NALF1: variants seen among roughly 807,000 people sequenced by gnomAD.
NALF1 encodes family with sequence similarity 155 member A.
NALF1 carries 3 observed loss-of-function variants against 48.4 expected under a neutral mutation model. That is an observed-to-expected ratio of 0.06 (90% confidence interval 0.03 to 0.16). The LOEUF is 0.16. Ranked by LOEUF, NALF1 falls within the 10% of genes least tolerant of loss-of-function variation. The probability of loss-of-function intolerance (pLI) is 1.00; values close to 1 mark genes in which losing one functional copy is unlikely to be tolerated. For missense variants in NALF1, 526 were observed against 571.5 expected, an observed-to-expected ratio of 0.92 and a Z score of 0.81; for synonymous variants, 262 against 245.7, an observed-to-expected ratio of 1.07 and a Z score of -0.62.
chr13:107,476,183 C>T (rs1382206005), intron 1 of NALF1, among the ~76,000 whole-genome samples: 1 of 152,144 alleles, frequency 6.6e-6, no homozygotes, highest in Non-Finnish European at 1.5e-5. Context: ...GAGTGTCCTG[C>T]CATTGCAGGC....
chr13:107,271,774 C>CTG (rs1555329775), intron 1 of NALF1, among the ~76,000 whole-genome samples: 1 of 27,630 alleles, frequency 3.6e-5, no homozygotes, highest in Non-Finnish European at 8.6e-5. Flanking sequence ...TGCTACTGGA[C>CTG]TATATATATA....
rs1336940344 is a variant in NALF1, at chr13:107,865,153, C to A, written c.915+529G>T. The stretch of plus-strand genomic sequence containing the variant: ...CAGACTTTCTGAACAACCAGAACTA[C>A]CCCTGTAAAAACAGGTAATTCTTTT... On this transcript the variant is annotated intron_variant, in intron 1 of 2. Transcript: ENST00000375915. Among the ~76,000 whole-genome samples the A allele has an allele frequency of 1.3e-5, 2 of 152,172 alleles. 1 individual carries two copies. Among genetic ancestry groups the A allele is most frequent in the Non-Finnish European group, 2.9e-5 (2 of 68,046 alleles).
intron 1 of NALF1, among the ~76,000 whole-genome samples, chr13:107,707,118 T>G (rs3928890): frequency 0.23 from 34,894 of 150,684 alleles, 4,471 homozygotes; most frequent in Middle Eastern, 0.38. Flanking sequence ...GAGACGGGGT[T>G]TCACCGTTTT....
At chr13:107,500,346 C>T (rs1173866359) in intron 1 of NALF1, among the ~76,000 whole-genome samples, 1 of 152,092 alleles carries the variant, frequency 6.6e-6, no homozygotes, top group Non-Finnish European at 1.5e-5. Flanking sequence ...AGAGTTTGGT[C>T]TCTGCTTTTA....
chr13:107,296,447 G>A lies in NALF1; in HGVS notation c.916-85692C>T, dbSNP rs984424728. Among the ~76,000 whole-genome samples, 3 of 152,182 alleles carry A rather than the reference G, an allele frequency of 2.0e-5. 1 individual carries two copies. Among genetic ancestry groups the A allele is most frequent in the Non-Finnish European group, 4.4e-5 (3 of 68,038 alleles). ...TAAAATTAAAAAAATCTAGGAAGGT[G>A]TAATATGCTACCTGAAAGATGAGTG... is the stretch of plus-strand genomic sequence containing the variant. On this transcript the variant is annotated intron_variant, in intron 1 of 2. Coordinates refer to ENST00000375915, the MANE Select transcript of NALF1 (RefSeq NM_001080396.3).
At chr13:107,643,619 G>T (rs1880224343) in intron 1 of NALF1, among the ~76,000 whole-genome samples, 1 of 151,972 alleles carries the variant, frequency 6.6e-6, no homozygotes, top group Non-Finnish European at 1.5e-5. Flanking sequence ...AATAAAGGGG[G>T]AGGATTATTA....
intron 1 of NALF1, among the ~76,000 whole-genome samples, chr13:107,495,894 T>A (rs1400769528): frequency 6.6e-6 from 1 of 152,090 alleles, no homozygotes; most frequent in Non-Finnish European, 1.5e-5. Context: ...ATGCTGCTTC[T>A]CCAAAAGTGT....
intron 1 of NALF1, among the ~76,000 whole-genome samples, chr13:107,848,288 G>A (rs1478567505): frequency 1.3e-5 from 2 of 152,174 alleles, no homozygotes; most frequent in East Asian, 1.9e-4. Context: ...CATGATCAAA[G>A]AGGGGATGAT....
At chr13:107,595,799 T>G (rs974366500) in intron 1 of NALF1, among the ~76,000 whole-genome samples, 2 of 152,130 alleles carry the variant, frequency 1.3e-5, no homozygotes, top group Non-Finnish European at 2.9e-5. Flanking sequence ...TGCAGCCTAT[T>G]TTAACAGAAA....
At chr13:107,663,969 ACAT>A (rs1370567254) in intron 1 of NALF1, among the ~76,000 whole-genome samples, 4 of 152,108 alleles carry the variant, frequency 2.6e-5, no homozygotes. Context: ...ATAGCTTCAG[ACAT>A]CATCTGTGTG....
intron 1 of NALF1, among the ~76,000 whole-genome samples, chr13:107,369,264 T>G (rs1434609670): frequency 6.6e-6 from 1 of 152,176 alleles, no homozygotes; most frequent in Non-Finnish European, 1.5e-5. Context: ...ATATATGAAG[T>G]ATAATAGTTT....
intron 1 of NALF1, among the ~76,000 whole-genome samples, chr13:107,808,249 A>G (rs1878869233): frequency 6.6e-6 from 1 of 152,112 alleles, no homozygotes; most frequent in Non-Finnish European, 1.5e-5. Context: ...TATCAGGCAT[A>G]CATGAGTGAG....
At chr13:107,414,882 A>G (rs948712469) in intron 1 of NALF1, among the ~76,000 whole-genome samples, 2 of 152,052 alleles carry the variant, frequency 1.3e-5, no homozygotes, top group African/African-American at 4.8e-5. Context: ...TTCAGGCTAT[A>G]ATAAATATCT....
intron 1 of NALF1, among the ~76,000 whole-genome samples, chr13:107,679,388 A>C (rs1020491307): frequency 1.3e-5 from 2 of 152,188 alleles, no homozygotes; most frequent in Non-Finnish European, 2.9e-5. Context: ...AGCATATAAT[A>C]GTTGCTCAAT....
rs377751233 is a variant in NALF1, at chr13:107,208,368, C to T, written c.1087+2216G>A. 1.1e-4 allele frequency among the ~76,000 whole-genome samples: 17 copies of T among 152,192 alleles called. 1 individual carries two copies. The South Asian group carries it at 2.9e-3, about 26-fold the overall frequency. On this transcript the variant is annotated intron_variant, in intron 2 of 2. Coordinates refer to ENST00000375915, the MANE Select transcript of NALF1 (RefSeq NM_001080396.3). ...ATGAAGAAGCTGTTTTTACCAAACT[C>T]GAAAACAATTAAAACTGCAGACTGG...
At chr13:107,854,643 C>T (rs759010959) in intron 1 of NALF1, among the ~76,000 whole-genome samples, 80 of 151,956 alleles carry the variant, frequency 5.3e-4, no homozygotes, top group Non-Finnish European at 8.5e-4. Flanking sequence ...GAGGCCGAGG[C>T]GGGCAGATCA....
At chr13:107,299,076 G>A (rs1034080416) in intron 1 of NALF1, among the ~76,000 whole-genome samples, 3 of 151,968 alleles carry the variant, frequency 2.0e-5, no homozygotes, top group Admixed American at 6.6e-5. Context: ...TGACAGTTTT[G>A]ATGAGCACTG....
chr13:107,660,418 G>A, intron 1 of NALF1, among the ~76,000 whole-genome samples: 1 of 147,672 alleles, frequency 6.8e-6, no homozygotes, highest in Non-Finnish European at 1.5e-5. Flanking sequence ...AGGTGACAGG[G>A]CAAGACTCTG....
intron 1 of NALF1, among the ~76,000 whole-genome samples, chr13:107,491,772 G>A (rs1490918438): frequency 1.3e-5 from 2 of 152,118 alleles, no homozygotes; most frequent in African/African-American, 4.8e-5. Flanking sequence ...GTTAGTAAAT[G>A]TAAGATGGTA....
Sources: gnomAD v4.1 joint callset for allele counts (sites outside exome capture counted in the v4.1 genomes callset) on GRCh38, gnomAD v4.1.1 for gene constraint, MANE v1.5 for transcripts, NCBI Gene and HGNC (gene_info 2026-07-23, HGNC 2026-07-21) for gene names.